Variants in COL4A1 observed in about 807,000 individuals in gnomAD.
The protein encoded by COL4A1 is collagen type IV alpha 1 chain.
In COL4A1, 40 loss-of-function variants were observed where a neutral mutation model predicts 216.6. That is an observed-to-expected ratio of 0.18 (90% CI 0.14 to 0.24). The LOEUF (loss-of-function observed/expected upper bound fraction) is 0.24. Among genes scored for constraint, COL4A1 ranks in the 10% least tolerant of loss-of-function variants. COL4A1 has a pLI of 1.00. For synonymous variants in COL4A1, 839 were observed against 810.7 expected (o/e 1.03, Z -0.59); for missense variants, 1,628 against 2,196.8 (o/e 0.74, Z 5.18).
chr13:110,216,901 C>G (rs778726386), intron 2 of COL4A1, among the ~76,000 whole-genome samples: 1 of 152,178 alleles, frequency 6.6e-6, no homozygotes, highest in African/African-American at 2.4e-5. Context: ...GGGAACAGAA[C>G]ACAGAAATCC....
chr13:110,229,081 A>T (rs1378388898), intron 2 of COL4A1, among the ~76,000 whole-genome samples: 1 of 138,836 alleles, frequency 7.2e-6, no homozygotes, highest in Non-Finnish European at 1.6e-5. Context: ...TCAATACTGC[A>T]GAGTCACCGC....
chr13:110,291,649 A>G (rs1319300003), intron 1 of COL4A1, among the ~76,000 whole-genome samples: 1 of 152,194 alleles, frequency 6.6e-6, no homozygotes, highest in East Asian at 1.9e-4. Flanking sequence ...ACTGCCCCCA[A>G]GTACATCGCA....
chr13:110,236,698 G>C (rs1012822792), intron 2 of COL4A1, among the ~76,000 whole-genome samples: 2 of 152,206 alleles, frequency 1.3e-5, no homozygotes, highest in African/African-American at 4.8e-5. Context: ...CTCTACACCA[G>C]GATTTCCGAA....
intron 2 of COL4A1, among the ~76,000 whole-genome samples, chr13:110,234,363 C>G (rs1390881941): frequency 6.6e-6 from 1 of 152,164 alleles, no homozygotes; most frequent in East Asian, 1.9e-4. Context: ...CAGCAAATCT[C>G]TTGAGGTCAG....
At chr13:110,202,424 T>C (rs1484710799) in intron 18 of COL4A1, among the ~76,000 whole-genome samples, 5 of 152,188 alleles carry the variant, frequency 3.3e-5, no homozygotes, top group African/African-American at 1.2e-4. Context: ...AATTAATAGA[T>C]ATTATTAAAA....
chr13:110,169,897 A>G, intron 42 of COL4A1, 135 bp from the exon 43 acceptor site: 1 of 1,034,586 alleles, frequency 9.7e-7, no homozygotes, highest in Non-Finnish European at 1.4e-6. Context: ...CCCTTGAGAC[A>G]GAAATCGAGG....
At position 110,185,950 on chromosome 13, in the gene COL4A1, G is replaced by A. The variant is rs1030857884; in HGVS notation, c.1897+435C>T. On this transcript the variant is annotated intron_variant, in intron 26 of 51. Coordinates refer to ENST00000375820, the MANE Select transcript of COL4A1 (RefSeq NM_001845.6). ...CACCATGGAATGAAATCGTCATCGC[G>A]CTGTAGGACCTCTAAATCCATTCAC... is the stretch of plus-strand genomic sequence containing the variant. Among the ~76,000 whole-genome samples the A allele has an allele frequency of 3.7e-4, 56 of 152,274 alleles. 1 individual carries two copies. Among genetic ancestry groups the A allele is most frequent in the Admixed American group, 3.4e-3 (52 of 15,294 alleles).
At chr13:110,296,396 TATAAGAA>T (rs891012744) in intron 1 of COL4A1, among the ~76,000 whole-genome samples, 43 of 152,332 alleles carry the variant, frequency 2.8e-4, no homozygotes, top group African/African-American at 1.0e-3. Context: ...GCTGATCTCT[TATAAGAA>T]ATAAAGTCGT....
intron 1 of COL4A1, among the ~76,000 whole-genome samples, chr13:110,287,374 T>C (rs879613255): frequency 2.6e-5 from 4 of 152,172 alleles, no homozygotes; most frequent in Non-Finnish European, 4.4e-5. Flanking sequence ...CAAATCTAAA[T>C]ACTCCCCTAC....
chr13:110,198,078 G>GGTGTGTGTGTGTGTGTGTGTGTGTGT (rs35751015), intron 21 of COL4A1, among the ~76,000 whole-genome samples: 5 of 141,842 alleles, frequency 3.5e-5, no homozygotes, highest in Admixed American at 3.5e-4. Flanking sequence ...TTGTTTCTGG[G>GGTGTGTGTGTGTGTGTGTGTGTGTGT]GTGTGTGTGT....
chr13:110,292,655 C>A (rs569371127), intron 1 of COL4A1, among the ~76,000 whole-genome samples: 20 of 152,268 alleles, frequency 1.3e-4, no homozygotes, highest in African/African-American at 4.1e-4. Context: ...GGAGAAAGCA[C>A]AATTTTTAAA....
rs539408450 is a variant in COL4A1 at position 110,208,951 on chromosome 13, A to G, written c.652-61T>C. ...TGTCTACTTCGTTCAAAGTCATTCT[A>G]CAAACCTCACACAAAATGCAATAAG... On this transcript the variant is annotated intron_variant, in intron 11 of 51. Transcript: ENST00000375820. 41 of 1,494,842 alleles carry G rather than the reference A, an allele frequency of 2.7e-5. 1 individual carries two copies. The East Asian group carries it at 9.0e-4, about 33-fold the overall frequency. The allele number at this position is 1,494,842 out of a possible 1,614,324, so 92.6% of individuals were successfully genotyped here. A position where few individuals can be genotyped will look rare whatever the true frequency, so the allele number is the denominator to read the frequency against.
At chr13:110,180,836 A>G (rs1878117371) in intron 29 of COL4A1, among the ~76,000 whole-genome samples, 1 of 152,162 alleles carries the variant, frequency 6.6e-6, no homozygotes, top group Admixed American at 6.5e-5. Context: ...AGGTGGAGGG[A>G]GGGCTGCTCC....
chr13:110,184,629 T>C (rs1287806737), intron 26 of COL4A1, among the ~76,000 whole-genome samples: 1 of 152,232 alleles, frequency 6.6e-6, no homozygotes, highest in Non-Finnish European at 1.5e-5. Context: ...CACCTGGGCT[T>C]CCATCAAACA....
rs1352110681 is a variant in COL4A1 at position 110,252,623 on chromosome 13, GTATATATTATA to G, written c.85-9900_85-9890del. Among the ~76,000 whole-genome samples the G allele has an allele frequency of 0.021, 140 of 6,664 alleles. 21 individuals carry two copies. In the Middle Eastern group the frequency reaches 0.25, roughly 12 times the overall value. The allele number at this position is 6,664 out of a possible 152,430, so 4.4% of individuals were successfully genotyped here. A position where few individuals can be genotyped will look rare whatever the true frequency, so the allele number is the denominator to read the frequency against. On this transcript the variant is annotated intron_variant, in intron 1 of 51. Transcript: ENST00000375820. ...ATATATGTATTATATATGTATAATT[GTATATATTATA>G]TATACTTATATACAAAATGTATATA... is the stretch of plus-strand genomic sequence containing the variant.
At chr13:110,221,975 A>G (rs1351132888) in intron 2 of COL4A1, among the ~76,000 whole-genome samples, 1 of 152,218 alleles carries the variant, frequency 6.6e-6, no homozygotes, top group Non-Finnish European at 1.5e-5. Flanking sequence ...ACCAGCAGAC[A>G]GTGCGTTCTC....
At chr13:110,292,109 G>A (rs751524490) in intron 1 of COL4A1, among the ~76,000 whole-genome samples, 3 of 152,112 alleles carry the variant, frequency 2.0e-5, no homozygotes, top group Admixed American at 6.6e-5. Flanking sequence ...CCTGCCTGCC[G>A]CTGAGAGCCA....
intron 1 of COL4A1, among the ~76,000 whole-genome samples, chr13:110,264,698 T>A (rs1169245840): frequency 6.6e-6 from 1 of 152,114 alleles, no homozygotes; most frequent in Non-Finnish European, 1.5e-5. Context: ...TAAATAATAT[T>A]CTCTCCCTCT....
At chr13:110,238,820 T>C (rs1323381261) in intron 2 of COL4A1, among the ~76,000 whole-genome samples, 1 of 152,240 alleles carries the variant, frequency 6.6e-6, no homozygotes, top group East Asian at 1.9e-4. Context: ...TTCCTTAGCA[T>C]ATAGCAGTAA....
Sources: gnomAD v4.1 joint callset for allele counts (sites outside exome capture counted in the v4.1 genomes callset) on GRCh38, gnomAD v4.1.1 for gene constraint, MANE v1.5 for transcripts, NCBI Gene and HGNC (gene_info 2026-07-23, HGNC 2026-07-21) for gene names.